FBXO42: variants seen among roughly 807,000 people sequenced by gnomAD.
FBXO42 encodes the protein F-box only protein 42.
Under a neutral mutation model 71.7 loss-of-function variants are expected in FBXO42, and 12 were observed. The ratio of observed to expected loss-of-function variants is 0.17; its 90% confidence interval spans 0.11 to 0.27. FBXO42 has a LOEUF of 0.27. Among genes scored for constraint, FBXO42 ranks in the 10% least tolerant of loss-of-function variants. The pLI is 1.00. For synonymous variants in FBXO42, 325 were observed against 327.5 expected, an observed-to-expected ratio of 0.99 and a Z score of 0.08; for missense variants, 707 against 911.9, an observed-to-expected ratio of 0.78 and a Z score of 2.89.
chr1:16,298,123 G>T lies in FBXO42; in HGVS notation c.368-3206C>A, dbSNP rs575034148. On this transcript the variant is annotated intron_variant, in intron 3 of 9. Transcript: ENST00000375592. ...ACCTGTAACTCCCAGCTACTGGGGA[G>T]GCTGAGGCAGTAGAATCGCTCGAAC... is the stretch of plus-strand genomic sequence containing the variant. Among the ~76,000 whole-genome samples, 3 of 152,142 alleles carry T rather than the reference G, an allele frequency of 2.0e-5. No individual in the cohort carries two copies. The East Asian group carries it at 5.8e-4, about 30-fold the overall frequency.
chr1:16,299,965 C>T lies in FBXO42; in HGVS notation c.368-5048G>A, dbSNP rs564021891. Among the ~76,000 whole-genome samples, 4 of 152,222 alleles carry T rather than the reference C, an allele frequency of 2.6e-5. No individual in the cohort carries two copies. In the East Asian group the frequency reaches 7.7e-4, roughly 29 times the overall value. On this transcript the variant is annotated intron_variant, in intron 3 of 9. Transcript: ENST00000375592. ...GCCACACTCAACTATTTTAAGCACC[C>T]TAGCCTACTGAACTTTACTTATTGC...
At chr1:16,299,963 C>A (rs986130084) in intron 3 of FBXO42, among the ~76,000 whole-genome samples, 1 of 152,074 alleles carries the variant, frequency 6.6e-6, no homozygotes. Flanking sequence ...ATTTTAAGCA[C>A]CCTAGCCTAC....
chr1:16,288,633 T>C (rs956343125), intron 4 of FBXO42, among the ~76,000 whole-genome samples: 2 of 151,954 alleles, frequency 1.3e-5, no homozygotes, highest in East Asian at 1.9e-4. Context: ...TCACCCTTGA[T>C]TGGCCTTCTC....
In FBXO42 at chr1:16,283,494, G is replaced by GTTTTTTTTTT. The variant is rs386366300; in HGVS notation, c.502+11279_502+11288dup. Reference sequence around the variant, plus strand: ...TTATAGACTCTTCTAACTGTGGCAAGTTTTTTTTTTTTTTTTTTTTTTTGA... The same window carrying GTTTTTTTTTT: ...TTATAGACTCTTCTAACTGTGGCAAGTTTTTTTTTTTTTTTTTTTTTTTTTTTTTTTTTGA... On this transcript the variant is annotated intron_variant, in intron 4 of 9. Coordinates refer to ENST00000375592, the MANE Select transcript of FBXO42 (RefSeq NM_018994.3). 4.9e-4 allele frequency among the ~76,000 whole-genome samples: 40 copies of GTTTTTTTTTT among 80,988 alleles called. 2 individuals carry two copies. The highest frequency in any genetic ancestry group is 1.4e-3 in the African/African-American group (32 of 22,484). 53.1% of individuals were successfully genotyped at this position (80,988 alleles called of 152,430 possible). A position where few individuals can be genotyped will look rare whatever the true frequency, so the allele number is the denominator to read the frequency against.
At chr1:16,271,976 CAAA>C (rs112291081) in intron 4 of FBXO42, among the ~76,000 whole-genome samples, 2 of 109,776 alleles carry the variant, frequency 1.8e-5, no homozygotes. Context: ...CCGTTTCTAC[CAAA>C]AAAAAAAAAA....
chr1:16,304,400 T>G (rs1453351213), intron 3 of FBXO42, among the ~76,000 whole-genome samples: 9 of 152,080 alleles, frequency 5.9e-5, no homozygotes, highest in Non-Finnish European at 4.4e-5. Flanking sequence ...ATTACAAGCG[T>G]GAGCCACTGA....
At chr1:16,294,620 T>C (rs564907155) in intron 4 of FBXO42, 163 bp downstream of exon 4, 2 of 694,800 alleles carry the variant, frequency 2.9e-6, no homozygotes, top group African/African-American at 1.8e-5. Flanking sequence ...AAACAAAGAC[T>C]TACACAAGCA....
chr1:16,271,261 GTGT>G (rs2081841838), intron 4 of FBXO42, among the ~76,000 whole-genome samples: 2 of 34,638 alleles, frequency 5.8e-5, no homozygotes, highest in African/African-American at 2.8e-4. Context: ...GTGTGTTGGT[GTGT>G]GTGTGTGTGT....
chr1:16,351,690 C>CA (rs1191792652), intron 1 of FBXO42, among the ~76,000 whole-genome samples: 1 of 152,190 alleles, frequency 6.6e-6, no homozygotes, highest in African/African-American at 2.4e-5. Context: ...TCCACAGTCA[C>CA]AGCATGGATT....
rs748895242 is a variant in FBXO42 at position 16,256,781 on chromosome 1, A to G, written c.503-22T>C. On this transcript the variant is annotated intron_variant, in intron 4 of 9. Coordinates refer to ENST00000375592, the MANE Select transcript of FBXO42 (RefSeq NM_018994.3). ...GACCCTAGGGAAAGTCAGTAACACCATGGTTAGCATTCAGGATCTCACAAC... is the reference window on the plus strand; with the variant it reads ...GACCCTAGGGAAAGTCAGTAACACCGTGGTTAGCATTCAGGATCTCACAAC... 16 of 1,612,428 alleles carry G rather than the reference A, an allele frequency of 9.9e-6. No homozygotes were observed. In the African/African-American group the frequency reaches 2.0e-4, roughly 20 times the overall value.
intron 4 of FBXO42, among the ~76,000 whole-genome samples, chr1:16,269,487 A>G (rs1443319896): frequency 6.6e-6 from 1 of 151,428 alleles, no homozygotes; most frequent in Non-Finnish European, 1.5e-5. Context: ...CTTCCTGAGT[A>G]GCTGAAATTA....
chr1:16,331,552 C>A (rs1048195504), intron 1 of FBXO42, among the ~76,000 whole-genome samples: 4 of 150,684 alleles, frequency 2.7e-5, no homozygotes, highest in African/African-American at 9.8e-5. Flanking sequence ...CTCAGGGGTT[C>A]GAGACCAGCC....
At chr1:16,296,934 A>AC (rs1223134427) in intron 3 of FBXO42, among the ~76,000 whole-genome samples, 12 of 59,318 alleles carry the variant, frequency 2.0e-4, no homozygotes, top group African/African-American at 7.0e-4. Context: ...CGCACCCCCC[A>AC]CCCCCCGCTT....
chr1:16,339,324 G>C (rs546546482), intron 1 of FBXO42, among the ~76,000 whole-genome samples: 2 of 151,356 alleles, frequency 1.3e-5, no homozygotes, highest in African/African-American at 4.9e-5. Flanking sequence ...TTTTGTTTTT[G>C]TTTTTTTGAG....
intron 4 of FBXO42, among the ~76,000 whole-genome samples, chr1:16,263,898 C>T (rs1476692665): frequency 6.6e-6 from 1 of 150,642 alleles, no homozygotes; most frequent in Non-Finnish European, 1.5e-5. Flanking sequence ...GCAACTTCCA[C>T]CTCCCAGGTT....
intron 1 of FBXO42, among the ~76,000 whole-genome samples, chr1:16,316,182 A>AG (rs2082363487): frequency 6.6e-6 from 1 of 151,608 alleles, no homozygotes; most frequent in Non-Finnish European, 1.5e-5. Flanking sequence ...AAAAAAAAAA[A>AG]AAAAAGAAAG....
At position 16,333,446 on chromosome 1, in the gene FBXO42, C is replaced by G. The variant is rs200516839; in HGVS notation, c.-17-18011G>C. ...TGGGCAAATAGTGAGACCCCCCCCC[C>G]CCATTTCCAAGAAGAAAAAAAAAAT... On this transcript the variant is annotated intron_variant, in intron 1 of 9. Coordinates refer to ENST00000375592, the MANE Select transcript of FBXO42 (RefSeq NM_018994.3). 4.2e-3 allele frequency among the ~76,000 whole-genome samples: 589 copies of G among 140,822 alleles called. 13 individuals are homozygous for G. Among genetic ancestry groups the G allele is most frequent in the South Asian group, 0.022 (91 of 4,154 alleles). 92.4% of individuals were successfully genotyped at this position (140,822 alleles called of 152,430 possible). A position where few individuals can be genotyped will look rare whatever the true frequency, so the allele number is the denominator to read the frequency against.
intron 4 of FBXO42, among the ~76,000 whole-genome samples, chr1:16,279,973 G>T (rs936638670): frequency 6.6e-6 from 1 of 151,424 alleles, no homozygotes; most frequent in Admixed American, 6.6e-5. Flanking sequence ...CAGCCTCCTG[G>T]GTAGCTGGGA....
intron 4 of FBXO42, among the ~76,000 whole-genome samples, chr1:16,283,066 G>A (rs2081981603): frequency 2.0e-5 from 3 of 152,080 alleles, no homozygotes; most frequent in Admixed American, 2.0e-4. Flanking sequence ...GGAACCCACA[G>A]TTTAGGTAAG....
Sources: gnomAD v4.1 joint callset for allele counts (sites outside exome capture counted in the v4.1 genomes callset) on GRCh38, gnomAD v4.1.1 for gene constraint, MANE v1.5 for transcripts, NCBI Gene and HGNC (gene_info 2026-07-23, HGNC 2026-07-21) for gene names.